Variants in E2F5 observed in about 807,000 individuals in gnomAD.
E2F5 encodes E2F transcription factor 5.
Under a neutral mutation model 39.1 loss-of-function variants are expected in E2F5, and 23 were observed. The observed-to-expected ratio is 0.59, with a 90% CI of 0.42 to 0.83. E2F5 has a LOEUF of 0.83. Ranked by LOEUF, E2F5 falls within the 40% of genes least tolerant of loss-of-function variation. The pLI, the probability that E2F5 is intolerant of heterozygous loss-of-function variation, is 0.00. For synonymous variants in E2F5, 145 were observed against 157.8 expected (o/e 0.92, Z 0.61); for missense variants, 365 against 406.7 (o/e 0.90, Z 0.88).
chr8:85,189,663 C>G (rs553812336), intron 1 of E2F5, among the ~76,000 whole-genome samples: 1 of 152,264 alleles, frequency 6.6e-6, no homozygotes, highest in South Asian at 2.1e-4. Context: ...GCCACTGCAC[C>G]CAACCTCTTT....
chr8:85,210,319 A>G (rs1307766223), intron 6 of E2F5, among the ~76,000 whole-genome samples: 1 of 152,178 alleles, frequency 6.6e-6, no homozygotes, highest in Non-Finnish European at 1.5e-5. Flanking sequence ...CTTTTTGCCC[A>G]CATCTATTCC....
intron 1 of E2F5, among the ~76,000 whole-genome samples, chr8:85,190,180 C>T (rs1226588529): frequency 6.6e-6 from 1 of 152,156 alleles, no homozygotes; most frequent in Non-Finnish European, 1.5e-5. Context: ...GCCCTCTCCT[C>T]CTGCCTCAGG....
intron 1 of E2F5, among the ~76,000 whole-genome samples, chr8:85,180,520 ATATATATATATATAT>A (rs1812184776): frequency 2.0e-4 from 1 of 5,068 alleles, no homozygotes; most frequent in Non-Finnish European, 4.1e-4. Context: ...ACATATATAT[ATATATATATATATAT>A]ATATATATAT....
intron 1 of E2F5, among the ~76,000 whole-genome samples, chr8:85,180,437 G>A (rs1218452144): frequency 1.4e-5 from 2 of 147,736 alleles, no homozygotes; most frequent in Admixed American, 6.9e-5. Flanking sequence ...TTTGGTGGGG[G>A]CATATTTCAG....
At chr8:85,193,580 A>C (rs1346005876) in intron 1 of E2F5, among the ~76,000 whole-genome samples, 1 of 152,200 alleles carries the variant, frequency 6.6e-6, no homozygotes, top group Non-Finnish European at 1.5e-5. Context: ...CCTCAACCAG[A>C]TGTGGAACAT....
intron 6 of E2F5, among the ~76,000 whole-genome samples, chr8:85,209,624 A>G (rs1219788801): frequency 6.6e-6 from 1 of 152,232 alleles, no homozygotes; most frequent in African/African-American, 2.4e-5. Context: ...TAGCCTGAAT[A>G]TAATTTTATA....
chr8:85,178,406 C>G (rs1812131325), intron 1 of E2F5, among the ~76,000 whole-genome samples: 1 of 152,112 alleles, frequency 6.6e-6, no homozygotes, highest in East Asian at 1.9e-4. Context: ...CTGCGTCGTC[C>G]TTTACAGCGT....
At chr8:85,198,739 T>C (rs1015007661) in intron 1 of E2F5, among the ~76,000 whole-genome samples, 1 of 152,220 alleles carries the variant, frequency 6.6e-6, no homozygotes, top group Non-Finnish European at 1.5e-5. Flanking sequence ...TTCCCTTATA[T>C]GCTCACCTCC....
intron 3 of E2F5, among the ~76,000 whole-genome samples, chr8:85,205,899 C>G (rs1346728273): frequency 6.6e-6 from 1 of 152,160 alleles, no homozygotes; most frequent in Admixed American, 6.5e-5. Context: ...TCCCTTCCCC[C>G]AGAAACCTTT....
intron 4 of E2F5, among the ~76,000 whole-genome samples, chr8:85,206,935 C>T (rs975184429): frequency 6.6e-6 from 1 of 152,060 alleles, no homozygotes; most frequent in Non-Finnish European, 1.5e-5. Flanking sequence ...TCTATTTTAC[C>T]ACTGTATTTC....
intron 1 of E2F5, among the ~76,000 whole-genome samples, chr8:85,183,519 G>A (rs998338340): frequency 6.6e-6 from 1 of 152,162 alleles, no homozygotes; most frequent in Admixed American, 6.5e-5. Flanking sequence ...GTCAATAGAT[G>A]AGTAGCTTAA....
At chr8:85,208,285 G>A (rs549993734) in intron 5 of E2F5, among the ~76,000 whole-genome samples, 4 of 152,270 alleles carry the variant, frequency 2.6e-5, no homozygotes, top group South Asian at 2.1e-4. Flanking sequence ...CCGAAATCGC[G>A]CCATTGCACT....
rs201093043 is a variant in E2F5 at position 85,211,634 on chromosome 8, T to TTTG, written c.884-514_884-512dup. ...CAGTTTTGGTAGAATGATGATGAGG[T>TTTG]TTGTTGTTGTTTTTTTTTTTTTTTT... On this transcript the variant is annotated intron_variant, in intron 6 of 7. Transcript: ENST00000416274. Among the ~76,000 whole-genome samples the TTTG allele has an allele frequency of 9.3e-3, 1,338 of 144,386 alleles. 24 individuals are homozygous for TTTG. Among genetic ancestry groups the TTTG allele is most frequent in the East Asian group, 0.023 (111 of 4,874 alleles). 94.7% of individuals were successfully genotyped at this position (144,386 alleles called of 152,430 possible).
intron 1 of E2F5, among the ~76,000 whole-genome samples, chr8:85,186,889 A>G (rs1812356085): frequency 6.7e-6 from 1 of 149,090 alleles, no homozygotes; most frequent in African/African-American, 2.5e-5. Context: ...TATGGTATAT[A>G]TATATGTAAG....
At chr8:85,200,573 T>C (rs934844587) in intron 1 of E2F5, among the ~76,000 whole-genome samples, 1 of 152,204 alleles carries the variant, frequency 6.6e-6, no homozygotes, top group African/African-American at 2.4e-5. Flanking sequence ...TTGCTATGGC[T>C]GTGAATGCTT....
chr8:85,193,262 T>A (rs1403870793), intron 1 of E2F5, among the ~76,000 whole-genome samples: 1 of 152,134 alleles, frequency 6.6e-6, no homozygotes, highest in East Asian at 1.9e-4. Flanking sequence ...AGCGGGCAGA[T>A]CACTTGAGGT....
chr8:85,197,467 A>C (rs142614991), intron 1 of E2F5, among the ~76,000 whole-genome samples: 10 of 152,256 alleles, frequency 6.6e-5, no homozygotes, highest in Non-Finnish European at 1.5e-4. Context: ...CTTATGGACT[A>C]CCTATCTCAG....
chr8:85,201,731 T>G (rs1812701985), intron 1 of E2F5: 2 of 169,560 alleles, frequency 1.2e-5, no homozygotes, highest in Non-Finnish European at 2.5e-5. Flanking sequence ...AATAAATTGC[T>G]GAGATGTAAT....
chr8:85,187,265 G>A (rs1370024899), intron 1 of E2F5, among the ~76,000 whole-genome samples: 1 of 152,120 alleles, frequency 6.6e-6, no homozygotes, highest in Non-Finnish European at 1.5e-5. Flanking sequence ...GTGCAGTTGA[G>A]AAGCGTGTGT....
Sources: gnomAD v4.1 joint callset for allele counts (sites outside exome capture counted in the v4.1 genomes callset) on GRCh38, gnomAD v4.1.1 for gene constraint, MANE v1.5 for transcripts, NCBI Gene and HGNC (gene_info 2026-07-23, HGNC 2026-07-21) for gene names.